Variants in BMAL1 observed in about 807,000 individuals in gnomAD.
BMAL1 encodes basic helix-loop-helix ARNT-like protein 1.
At chr11:13,303,199 G>A in the BMAL1 span, among the ~76,000 whole-genome samples, 3 of 152,112 alleles carry the variant, frequency 2.0e-5, no homozygotes, top group East Asian at 1.9e-4. Flanking sequence ...GGGCTTAAGC[G>A]GGCCTTTCTA....
At chr11:13,354,283 C>T in the BMAL1 span, 1 of 1,529,270 alleles carries the variant, frequency 6.5e-7, no homozygotes, top group Non-Finnish European at 8.9e-7. Flanking sequence ...ACCTTTGTGC[C>T]TCTTGTAACA....
the BMAL1 span, among the ~76,000 whole-genome samples, chr11:13,369,980 G>A: frequency 6.6e-6 from 1 of 152,138 alleles, no homozygotes; most frequent in African/African-American, 2.4e-5. Flanking sequence ...TTGTGGAGAG[G>A]CCTCCTCTGT....
the BMAL1 span, chr11:13,356,605 T>C: frequency 9.2e-6 from 9 of 982,648 alleles, no homozygotes; most frequent in African/African-American, 1.6e-5. Flanking sequence ...TTATACATCA[T>C]TAATTGATAC....
chr11:13,281,542 T>C, the BMAL1 span, among the ~76,000 whole-genome samples: 1 of 152,166 alleles, frequency 6.6e-6, no homozygotes, highest in Admixed American at 6.5e-5. Context: ...TTTTTAAACA[T>C]GGTCTCAGTC....
chr11:13,357,558 C>G, the BMAL1 span, among the ~76,000 whole-genome samples: 1 of 152,192 alleles, frequency 6.6e-6, no homozygotes. The surrounding 1 kb of genome is among the most constrained non-coding windows in gnomAD (Gnocchi z 4.8). Flanking sequence ...TGTCCTGCCT[C>G]CAGCCACACT....
chr11:13,325,418 C>T, the BMAL1 span, among the ~76,000 whole-genome samples: 2 of 152,178 alleles, frequency 1.3e-5, no homozygotes, highest in East Asian at 3.9e-4. Context: ...TGATTCTGAT[C>T]TGACAAATGC....
chr11:13,382,820 T>A, the BMAL1 span, among the ~76,000 whole-genome samples: 3 of 152,224 alleles, frequency 2.0e-5, no homozygotes, highest in Non-Finnish European at 4.4e-5. Context: ...GTTCGTTTTA[T>A]AAGTATGGCC....
chr11:13,375,304 T>C, the BMAL1 span, among the ~76,000 whole-genome samples: 1 of 152,254 alleles, frequency 6.6e-6, no homozygotes. Context: ...GGACAGTGCC[T>C]TCTCATTTGC....
chr11:13,365,021 C>T, the BMAL1 span, among the ~76,000 whole-genome samples: 1 of 152,208 alleles, frequency 6.6e-6, no homozygotes, highest in Admixed American at 6.5e-5. Flanking sequence ...TTGAGAACCA[C>T]TGTTTTAGAG....
At chr11:13,334,305 G>A in the BMAL1 span, among the ~76,000 whole-genome samples, 33 of 152,186 alleles carry the variant, frequency 2.2e-4, no homozygotes, top group Non-Finnish European at 1.6e-4. Context: ...ACTAGACTTG[G>A]GCTGGCCCTG....
chr11:13,355,664 C>T, the BMAL1 span, among the ~76,000 whole-genome samples: 54 of 152,188 alleles, frequency 3.5e-4, 1 homozygote, highest in Admixed American at 3.9e-4. Context: ...CTGAGATTAT[C>T]ACCTGGCCTC....
the BMAL1 span, among the ~76,000 whole-genome samples, chr11:13,360,881 G>A: frequency 6.6e-6 from 1 of 152,192 alleles, no homozygotes; most frequent in Non-Finnish European, 1.5e-5. Context: ...ACTTTGAGAG[G>A]CCAAGACGGG....
chr11:13,374,869 T>A, the BMAL1 span, among the ~76,000 whole-genome samples: 3 of 152,176 alleles, frequency 2.0e-5, no homozygotes, highest in African/African-American at 7.2e-5. Flanking sequence ...GGCAATCAAA[T>A]GTGAGACCTT....
At chr11:13,316,259 T>C in the BMAL1 span, among the ~76,000 whole-genome samples, 1 of 152,198 alleles carries the variant, frequency 6.6e-6, no homozygotes, top group Non-Finnish European at 1.5e-5. Context: ...TACGGAAGGC[T>C]GAGGGAGAGC....
At chr11:13,367,724 AAAAG>A in the BMAL1 span, among the ~76,000 whole-genome samples, 1 of 151,578 alleles carries the variant, frequency 6.6e-6, no homozygotes, top group African/African-American at 2.4e-5. Context: ...AAAAAAAAAA[AAAAG>A]AATGAGAACA....
At chr11:13,326,227 G>A in the BMAL1 span, among the ~76,000 whole-genome samples, 1 of 151,216 alleles carries the variant, frequency 6.6e-6, no homozygotes, top group Non-Finnish European at 1.5e-5. Context: ...AGTAGAACAA[G>A]GAGTTTGATC....
At chr11:13,350,129 A>G in the BMAL1 span, 1 of 152,178 alleles carries the variant, frequency 6.6e-6, no homozygotes, top group African/African-American at 2.4e-5. Context: ...GGTAGCTTGC[A>G]TGGCAGTTCT....
the BMAL1 span, among the ~76,000 whole-genome samples, chr11:13,295,400 C>T: frequency 1.3e-5 from 2 of 152,066 alleles, no homozygotes; most frequent in Non-Finnish European, 1.5e-5. Flanking sequence ...TAAGAACAGC[C>T]CCAGAGGAGG....
chr11:13,350,397 T>G, the BMAL1 span, among the ~76,000 whole-genome samples: 1 of 152,200 alleles, frequency 6.6e-6, no homozygotes, highest in Non-Finnish European at 1.5e-5. Context: ...TTAATATGAT[T>G]AAATAATCAT....
Sources: gnomAD v4.1 joint callset for allele counts (sites outside exome capture counted in the v4.1 genomes callset) on GRCh38, gnomAD v4.1.1 for gene constraint, Gnocchi (gnomAD v3.1) non-coding constraint, MANE v1.5 for transcripts, NCBI Gene and HGNC (gene_info 2026-07-23, HGNC 2026-07-21) for gene names.